SNX9: variants seen among roughly 807,000 people sequenced by gnomAD.
SNX9 encodes the protein sorting nexin-9.
A neutral mutation model predicts 89.4 loss-of-function variants in SNX9; 44 were observed. The observed-to-expected ratio is 0.49, with a 90% CI of 0.39 to 0.63. The LOEUF is 0.63. SNX9 is among the 30% of genes least tolerant of loss of function. The pLI is 0.00. For synonymous variants in SNX9, 236 were observed against 247.8 expected, an observed-to-expected ratio of 0.95 and a Z score of 0.45; for missense variants, 578 against 736.1, an observed-to-expected ratio of 0.79 and a Z score of 2.49.
chr6:157,826,790 A>ATAATATATAAATATATTATATTT lies in SNX9; in HGVS notation c.12+3346_12+3347insATATATAAATATATTATATTTTA, dbSNP rs1562585820. Among the ~76,000 whole-genome samples the ATAATATATAAATATATTATATTT allele has an allele frequency of 1.7e-3, 196 of 118,304 alleles. 33 individuals carry two copies. The highest frequency in any genetic ancestry group is 8.0e-3 in the African/African-American group (191 of 23,996). 77.6% of individuals were successfully genotyped at this position (118,304 alleles called of 152,430 possible). On this transcript the variant is annotated intron_variant, in intron 1 of 17. Transcript: ENST00000392185. ...ATGATATATAAATATATTATATTAT[A>ATAATATATAAATATATTATATTT]TATATATATTATATTTTATATATAA...
At chr6:157,919,785 G>A (rs2092560) in intron 9 of SNX9, among the ~76,000 whole-genome samples, 18,511 of 151,786 alleles carry the variant, frequency 0.12, 1,329 homozygotes, top group African/African-American at 0.19. Context: ...ATTTCTTTGC[G>A]TATCTCTTAA....
chr6:157,908,918 T>C (rs546669323), intron 7 of SNX9, among the ~76,000 whole-genome samples: 2 of 152,328 alleles, frequency 1.3e-5, no homozygotes, highest in South Asian at 4.1e-4. Flanking sequence ...CCTACCCTCT[T>C]CAGGCAAGCC....
chr6:157,834,150 G>T (rs11752421), intron 1 of SNX9, among the ~76,000 whole-genome samples: 9,025 of 35,792 alleles, frequency 0.25, 550 homozygotes, highest in South Asian at 0.31. Flanking sequence ...GTCCACTGTG[G>T]TTTTTTTTTT....
intron 1 of SNX9, among the ~76,000 whole-genome samples, chr6:157,843,772 A>G (rs1439594805): frequency 6.6e-6 from 1 of 152,050 alleles, no homozygotes; most frequent in Non-Finnish European, 1.5e-5. Context: ...TTGCAATTCT[A>G]ATTTTTTGTT....
intron 4 of SNX9, among the ~76,000 whole-genome samples, chr6:157,893,739 A>G (rs972609146): frequency 5.9e-5 from 9 of 152,188 alleles, no homozygotes; most frequent in Non-Finnish European, 8.8e-5. Context: ...TCAATTTTCT[A>G]TGAATTCAGT....
intron 1 of SNX9, among the ~76,000 whole-genome samples, chr6:157,827,862 CTTTTT>C (rs67464115): frequency 7.5e-6 from 1 of 133,922 alleles, no homozygotes. Context: ...GTTCCTGATG[CTTTTT>C]TTTTTTTTTT....
At chr6:157,893,608 T>TTG (rs3047741) in intron 4 of SNX9, among the ~76,000 whole-genome samples, 75,749 of 148,660 alleles carry the variant, frequency 0.51, 19,371 homozygotes, top group East Asian at 0.66. Context: ...CTAGCACCAT[T>TTG]TGTGTGTGTG....
At chr6:157,870,461 G>A (rs927003313) in intron 2 of SNX9, among the ~76,000 whole-genome samples, 10 of 147,150 alleles carry the variant, frequency 6.8e-5, no homozygotes, top group African/African-American at 1.8e-4. Flanking sequence ...GCACTCACCC[G>A]TGCAAGCACA....
rs1783742699 is a variant in SNX9 at position 157,928,596 on chromosome 6, C to T, written c.1185-3C>T. ...TGTGACTGACGGCCGCCTTCACCCA[C>T]AGAGAGCAGAAGTGCGAGGCTGTGG... On this transcript the variant is annotated splice_polypyrimidine_tract_variant and splice_region_variant and intron_variant, in intron 11 of 17. Coordinates refer to ENST00000392185, the MANE Select transcript of SNX9 (RefSeq NM_016224.5). 6.2e-7 allele frequency: 1 copy of T among 1,603,312 alleles called. No homozygotes were observed. The highest frequency in any genetic ancestry group is 8.5e-7 in the Non-Finnish European group (1 of 1,175,394).
chr6:157,878,931 G>A (rs929111973), intron 4 of SNX9, among the ~76,000 whole-genome samples: 86 of 152,210 alleles, frequency 5.7e-4, no homozygotes, highest in Middle Eastern at 3.4e-3. Flanking sequence ...CTTTGGTGGG[G>A]GAAGGTACTA....
chr6:157,826,915 A>AATATATATTATAGTTTATATAATATATAC (rs1781368195), intron 1 of SNX9, among the ~76,000 whole-genome samples: 2 of 71,944 alleles, frequency 2.8e-5, no homozygotes, highest in East Asian at 3.1e-4. Context: ...ATAATATATA[A>AATATATATTATAGTTTATATAATATATAC]AATATATTAT....
rs377341402 is a variant in SNX9, at chr6:157,940,915, T to C, written c.1681T>C (p.Tyr561His). 1.9e-5 allele frequency: 31 copies of C among 1,614,110 alleles called. No homozygotes were observed. The highest frequency in any genetic ancestry group is 1.7e-5 in the Non-Finnish European group (20 of 1,180,038). ...GAATCACTTTCACAGTAACCGGATC[T>C]ATGATTACAACAGTGTCATCCGCCT... ...EMNHFHSNRIYDYNSVIRLYL... is the reference protein window; with the variant it reads ...EMNHFHSNRIHDYNSVIRLYL... The change falls in exon 17 of 18, where the codon TAT (tyrosine) becomes CAT (histidine). Residue 561 changes from tyrosine (Y) to histidine (H), a missense_variant. Physicochemically the swap from Tyr to His is moderately conservative, Grantham distance 83 (BLOSUM62 2). Coordinates refer to ENST00000392185, the MANE Select transcript of SNX9 (RefSeq NM_016224.5).
rs9347748 is a variant in SNX9 at position 157,901,620 on chromosome 6, G to A, written c.473-278G>A. ...TGCCCTTTCTCCACTGTGTCATCTC[G>A]GTGCCCGTGTCAAAAATTTAAAAGT... On this transcript the variant is annotated intron_variant, in intron 5 of 17. Coordinates refer to ENST00000392185, the MANE Select transcript of SNX9 (RefSeq NM_016224.5). Among the ~76,000 whole-genome samples the A allele has an allele frequency of 0.22, 32,958 of 151,692 alleles. 3,646 individuals are homozygous for A. Among genetic ancestry groups the A allele is most frequent in the Non-Finnish European group, 0.23 (15,694 of 67,908 alleles).
chr6:157,882,412 T>C (rs1782645612), intron 4 of SNX9, among the ~76,000 whole-genome samples: 1 of 152,252 alleles, frequency 6.6e-6, no homozygotes, highest in Non-Finnish European at 1.5e-5. Flanking sequence ...ACAGCACTTA[T>C]TCTACAGCCC....
At position 157,915,822 on chromosome 6, in the gene SNX9, C is replaced by CAAAAAAAA. The variant is rs570701086; in HGVS notation, c.950-5702_950-5695dup. ...TCTGGGCGACAGAGTTAGACTCTGT[C>CAAAAAAAA]AAAAAAAAAAAAAAGATTTATATGT... is the stretch of plus-strand genomic sequence containing the variant. On this transcript the variant is annotated intron_variant, in intron 9 of 17. Transcript: ENST00000392185. Among the ~76,000 whole-genome samples the CAAAAAAAA allele has an allele frequency of 1.3e-3, 119 of 89,362 alleles. 2 individuals carry two copies. The highest frequency in any genetic ancestry group is 4.5e-3 in the African/African-American group (113 of 25,260). The allele number at this position is 89,362 out of a possible 152,430, so 58.6% of individuals were successfully genotyped here.
At chr6:157,902,576 C>T (rs1037411481) in intron 6 of SNX9, among the ~76,000 whole-genome samples, 9 of 152,060 alleles carry the variant, frequency 5.9e-5, no homozygotes, top group Non-Finnish European at 8.8e-5. Flanking sequence ...CGCCAAAGCA[C>T]GTGTTTCAGC....
At chr6:157,845,671 T>C (rs16900471) in intron 1 of SNX9, among the ~76,000 whole-genome samples, 4,822 of 152,248 alleles carry the variant, frequency 0.032, 193 homozygotes, top group African/African-American at 0.091. Context: ...ATGCCACATA[T>C]TTTATACAAA....
intron 9 of SNX9, among the ~76,000 whole-genome samples, chr6:157,919,041 T>C (rs1440414208): frequency 6.6e-6 from 1 of 152,326 alleles, no homozygotes; most frequent in East Asian, 1.9e-4. Flanking sequence ...TTAATCCTTA[T>C]ATTTCCGGTG....
chr6:157,936,561 C>A (rs1009972013), intron 14 of SNX9, among the ~76,000 whole-genome samples: 1 of 152,246 alleles, frequency 6.6e-6, no homozygotes, highest in Non-Finnish European at 1.5e-5. Flanking sequence ...TGCCTCTGAT[C>A]TGTTCTTAGC....
Sources: allele counts gnomAD v4.1 joint callset (sites outside exome capture counted in the v4.1 genomes callset), GRCh38; gene constraint gnomAD v4.1.1; transcripts MANE v1.5; gene names NCBI Gene and HGNC (gene_info 2026-07-23, HGNC 2026-07-21).